PUM3: variants seen among roughly 807,000 people sequenced by gnomAD.
PUM3 encodes the protein pumilio homolog 3.
PUM3 carries 91 observed loss-of-function variants against 84.0 expected under a neutral mutation model. That is an observed-to-expected ratio of 1.08 (90% CI 0.91 to 1.29). The LOEUF (loss-of-function observed/expected upper bound fraction) is 1.29. PUM3 is among the 50% of genes most tolerant of loss of function. The pLI, the probability that PUM3 is intolerant of heterozygous loss-of-function variation, is 0.00. For synonymous variants in PUM3, 321 were observed against 266.7 expected, an observed-to-expected ratio of 1.20 and a Z score of -1.98; for missense variants, 1,067 against 767.5, an observed-to-expected ratio of 1.39 and a Z score of -4.61.
intron 12 of PUM3, among the ~76,000 whole-genome samples, chr9:2,821,783 T>C (rs907907589): frequency 3.9e-5 from 6 of 152,192 alleles, no homozygotes; most frequent in Admixed American, 3.3e-4. Flanking sequence ...CGTGTTTCCA[T>C]GTAAGTACAA....
In PUM3 at chr9:2,837,337, T is replaced by A. The variant is rs1334585295; in HGVS notation, c.147A>T (p.Thr49=). The A allele has an allele frequency of 1.2e-6, 2 of 1,613,976 alleles. No individual in the cohort carries two copies. The highest frequency in any genetic ancestry group is 2.2e-5 in the East Asian group (1 of 44,902). Residue 49 remains threonine, a synonymous_variant, in exon 3 of 18, where the codon ACA becomes ACT. Transcript: ENST00000397885. ...KVAKEGGPKV[T]SRNFEKSITK... is the part of the protein sequence containing the mutation. ...TGATACTTTTCTCAAAGTTCCTAGA[T>A]GTGACTTTAGGTCCACCTTCTTTAG... is the stretch of plus-strand genomic sequence containing the variant.
At chr9:2,808,346 G>A (rs367898764) in intron 16 of PUM3, among the ~76,000 whole-genome samples, 2 of 152,198 alleles carry the variant, frequency 1.3e-5, no homozygotes, top group East Asian at 1.9e-4. Flanking sequence ...CAGTGTTCAC[G>A]TGTTCAACAG....
chr9:2,840,027 C>G (rs533375763), intron 1 of PUM3, among the ~76,000 whole-genome samples: 33 of 152,226 alleles, frequency 2.2e-4, no homozygotes, highest in African/African-American at 7.7e-4. Flanking sequence ...GCCATCAAGT[C>G]TCCTTTGTAT....
chr9:2,807,788 CAG>C (rs755618782), intron 17 of PUM3, 24 bp downstream of exon 17: 3 of 1,471,800 alleles, frequency 2.0e-6, no homozygotes, highest in African/African-American at 2.8e-5. Context: ...AGGCCCTGCT[CAG>C]AGAAGGGCAC....
At chr9:2,804,779 A>G (rs1340274178) in intron 17 of PUM3, among the ~76,000 whole-genome samples, 1 of 152,202 alleles carries the variant, frequency 6.6e-6, no homozygotes, top group East Asian at 1.9e-4. Context: ...ATGATTCTAC[A>G]TGTATTCTAT....
At chr9:2,839,032 T>A (rs976007026) in intron 1 of PUM3, among the ~76,000 whole-genome samples, 3 of 152,164 alleles carry the variant, frequency 2.0e-5, no homozygotes, top group Non-Finnish European at 4.4e-5. Flanking sequence ...AAAACAAAGA[T>A]TAGCATCCAG....
rs147435217 is a variant in PUM3 at position 2,838,767 on chromosome 9, T to C, written c.-10-250A>G. ...CACACCCTGGCCAGTGTTTGATATCTCTGGAGGCATCACTTCACTTCCACA... is the reference window on the plus strand; with the variant it reads ...CACACCCTGGCCAGTGTTTGATATCCCTGGAGGCATCACTTCACTTCCACA... On this transcript the variant is annotated intron_variant, in intron 1 of 17. Coordinates refer to ENST00000397885, the MANE Select transcript of PUM3 (RefSeq NM_014878.5). Among the ~76,000 whole-genome samples, 11 of 152,310 alleles carry C rather than the reference T, an allele frequency of 7.2e-5. No individual in the cohort carries two copies. In the East Asian group the frequency reaches 1.7e-3, roughly 24 times the overall value.
intron 13 of PUM3, among the ~76,000 whole-genome samples, chr9:2,813,502 G>A (rs932753709): frequency 1.2e-4 from 18 of 152,194 alleles, no homozygotes; most frequent in Admixed American, 1.2e-3. Flanking sequence ...GAAAGGATCT[G>A]CCAGGGGACT....
chr9:2,820,916 C>T (rs1821576013), intron 12 of PUM3, among the ~76,000 whole-genome samples: 1 of 152,114 alleles, frequency 6.6e-6, no homozygotes, highest in South Asian at 2.1e-4. Flanking sequence ...AAAACAAAAA[C>T]CTGTTTCCAG....
chr9:2,807,721 A>T (rs1464396331), intron 17 of PUM3, 93 bp downstream of exon 17: 5 of 785,706 alleles, frequency 6.4e-6, no homozygotes, highest in Non-Finnish European at 1.1e-5. Flanking sequence ...TAGACTACTG[A>T]GAACAAATAT....
At chr9:2,837,127 C>T (rs1453523181) in intron 3 of PUM3, 53 bp downstream of exon 3, 1 of 1,474,338 alleles carries the variant, frequency 6.8e-7, no homozygotes, top group African/African-American at 1.4e-5. Flanking sequence ...CTCCAGAGTC[C>T]CTGTGCACAA....
intron 12 of PUM3, 44 bp from the exon 13 acceptor site, chr9:2,820,142 G>A (rs564916000): frequency 8.7e-7 from 1 of 1,155,370 alleles, no homozygotes; most frequent in Non-Finnish European, 1.3e-6. Context: ...CAAGTGCATA[G>A]ATCTTCCCTC....
Position 2,804,320 on chromosome 9 carries a change from A to C in PUM3, c.*11T>G, listed in dbSNP as rs1453955465. ...AAAAAATCATTCCATCTTGCTCTTA[A>C]CTCTTTCCACCTATGTGCTCAGTTT... is the stretch of plus-strand genomic sequence containing the variant. On this transcript the variant is annotated 3_prime_UTR_variant, in exon 18 of 18. Transcript: ENST00000397885. 7 of 1,610,988 alleles carry C rather than the reference A, an allele frequency of 4.3e-6. No homozygotes were observed. Among genetic ancestry groups the C allele is most frequent in the Non-Finnish European group, 5.1e-6 (6 of 1,179,210 alleles).
At chr9:2,824,585 C>T (rs571874732) in intron 11 of PUM3, 132 bp downstream of exon 11, 1 of 469,854 alleles carries the variant, frequency 2.1e-6, no homozygotes, top group Non-Finnish European at 3.5e-6. Flanking sequence ...TAAGGCACAA[C>T]TTTTGGAAGA....
intron 5 of PUM3, among the ~76,000 whole-genome samples, chr9:2,831,985 T>G (rs1815995390): frequency 6.6e-6 from 1 of 152,182 alleles, no homozygotes; most frequent in African/African-American, 2.4e-5. Context: ...AAGGACCCAC[T>G]GACCAATTTT....
chr9:2,810,641 T>C (rs1335920760), intron 15 of PUM3, among the ~76,000 whole-genome samples: 1 of 152,202 alleles, frequency 6.6e-6, no homozygotes, highest in Non-Finnish European at 1.5e-5. Flanking sequence ...AAGACAGTTA[T>C]GCCAGATAAC....
chr9:2,818,828 G>C (rs933285397), intron 13 of PUM3, among the ~76,000 whole-genome samples: 1 of 152,120 alleles, frequency 6.6e-6, no homozygotes, highest in Non-Finnish European at 1.5e-5. Flanking sequence ...GGGACCTACG[G>C]CTGGCATCTA....
At position 2,811,383 on chromosome 9, in the gene PUM3, T is replaced by C. The variant is rs776874507; in HGVS notation, c.1613A>G (p.His538Arg). 6.2e-7 allele frequency: 1 copy of C among 1,614,094 alleles called. No homozygotes were observed. The highest frequency in any genetic ancestry group is 1.1e-5 in the South Asian group (1 of 91,076). The part of the protein sequence containing the change: ...AIASLAATGL[H>R]PGGKDGELHI... ...TACCTCTCCGTCCTTGCCACCAGGA[T>C]GCAGTCCTGTTGCTGCCAAGCTGGC... The change falls in exon 15 of 18, where the codon CAT (histidine) becomes CGT (arginine). Residue 538 changes from histidine (H) to arginine (R), a missense_variant. Transcript: ENST00000397885.
At chr9:2,837,897 C>G (rs889585488) in intron 2 of PUM3, among the ~76,000 whole-genome samples, 13 of 151,900 alleles carry the variant, frequency 8.6e-5, no homozygotes, top group African/African-American at 3.1e-4. Context: ...ATTTTAAAGC[C>G]TATATTAAAA....
Sources: gnomAD v4.1 joint callset for allele counts (sites outside exome capture counted in the v4.1 genomes callset) on GRCh38, gnomAD v4.1.1 for gene constraint, MANE v1.5 for transcripts, NCBI Gene and HGNC (gene_info 2026-07-23, HGNC 2026-07-21) for gene names.